The following MED13L variants were observed in gnomAD, a reference collection of about 807,000 sequenced individuals.
The protein encoded by MED13L is mediator complex subunit 13L, also known as mediator of RNA polymerase II transcription subunit 13-like.
MED13L carries 7 observed loss-of-function variants against 220.9 expected under a neutral mutation model. The ratio of observed to expected loss-of-function variants is 0.03; its 90% confidence interval spans 0.02 to 0.06. The LOEUF (loss-of-function observed/expected upper bound fraction) is 0.06. Among genes scored for constraint, MED13L ranks in the 10% least tolerant of loss-of-function variants. MED13L has a pLI of 1.00. For synonymous variants in MED13L, 1,011 were observed against 1,015.2 expected (o/e 1.00, Z 0.08); for missense variants, 1,965 against 2,760.5 (o/e 0.71, Z 6.46).
chr12:116,035,950 T>C (rs1355781183), intron 4 of MED13L, among the ~76,000 whole-genome samples: 1 of 152,200 alleles, frequency 6.6e-6, no homozygotes, highest in African/African-American at 2.4e-5. Context: ...ACTATTTTAA[T>C]TTATATGTCC....
chr12:116,170,965 A>G (rs1879639956), intron 2 of MED13L, among the ~76,000 whole-genome samples: 1 of 152,250 alleles, frequency 6.6e-6, no homozygotes, highest in Admixed American at 6.5e-5. Context: ...TCTGAAGAAT[A>G]CAACTACCAG....
chr12:115,959,213 GCTTTT>G lies in MED13L; in HGVS notation c.*2048_*2052del, dbSNP rs904242265. ...ACAAAAACGTATAAATATGTCACCA[GCTTTT>G]CTTAACTTAAAAAACTTAAATAAAA... On this transcript the variant is annotated 3_prime_UTR_variant, in exon 31 of 31. Coordinates refer to ENST00000281928, the MANE Select transcript of MED13L (RefSeq NM_015335.5). 2.0e-5 allele frequency: 3 copies of G among 152,366 alleles called. No individual in the cohort carries two copies. The highest frequency in any genetic ancestry group is 7.3e-5 in the African/African-American group (3 of 41,364). The allele number at this position is 152,366 out of a possible 1,614,324, so 9.4% of individuals were successfully genotyped here.
rs751651348 is a variant in MED13L at position 116,237,424 on chromosome 12, A to C, written c.310+44T>G. The C allele has an allele frequency of 3.4e-6, 5 of 1,456,612 alleles. No homozygotes were observed. The South Asian group carries it at 5.7e-5, about 17-fold the overall frequency. The allele number at this position is 1,456,612 out of a possible 1,614,324, so 90.2% of individuals were successfully genotyped here. On this transcript the variant is annotated intron_variant, in intron 2 of 30. Transcript: ENST00000281928. Reference sequence around the variant, plus strand: ...GTTTGAAATTTATCAATGTTCAAAAAAATATGATGCAAATAATTTTTAAGA... The same window carrying C: ...GTTTGAAATTTATCAATGTTCAAAACAATATGATGCAAATAATTTTTAAGA...
chr12:116,199,304 G>A (rs1057467564), intron 2 of MED13L, among the ~76,000 whole-genome samples: 1 of 152,242 alleles, frequency 6.6e-6, no homozygotes, highest in Admixed American at 6.5e-5. Context: ...TTGATTTTAA[G>A]AGACTATGTA....
At chr12:116,206,685 T>C (rs1317435477) in intron 2 of MED13L, among the ~76,000 whole-genome samples, 1 of 152,108 alleles carries the variant, frequency 6.6e-6, no homozygotes, top group Non-Finnish European at 1.5e-5. Context: ...CATTAAAAAG[T>C]TACCAAAGCA....
In MED13L at chr12:116,075,711, A is replaced by G. The variant is rs188699381; in HGVS notation, c.479+20958T>C. 5.8e-4 allele frequency among the ~76,000 whole-genome samples: 89 copies of G among 152,314 alleles called. 1 individual carries two copies. Among genetic ancestry groups the G allele is most frequent in the East Asian group, 5.8e-4 (3 of 5,192 alleles). On this transcript the variant is annotated intron_variant, in intron 4 of 30. Coordinates refer to ENST00000281928, the MANE Select transcript of MED13L (RefSeq NM_015335.5). ...CATCTAGACCTGCAAGCTCCAGGAAATAGACTTCCTTTCTGCTGGCTCCTT... is the reference window on the plus strand; with the variant it reads ...CATCTAGACCTGCAAGCTCCAGGAAGTAGACTTCCTTTCTGCTGGCTCCTT...
At chr12:115,996,936 C>T (rs746721916) in intron 15 of MED13L, 74 bp downstream of exon 15, 27 of 1,450,814 alleles carry the variant, frequency 1.9e-5, no homozygotes, top group South Asian at 1.1e-4. Flanking sequence ...CAGACAATAC[C>T]ATTTTAAAGC....
At chr12:115,997,437 C>T (rs972978552) in intron 14 of MED13L, among the ~76,000 whole-genome samples, 5 of 152,050 alleles carry the variant, frequency 3.3e-5, no homozygotes, top group Admixed American at 6.5e-5. Flanking sequence ...TGTTTTGTTT[C>T]GTGAGACAAA....
At chr12:116,147,273 G>A (rs531602194) in intron 2 of MED13L, among the ~76,000 whole-genome samples, 16 of 152,182 alleles carry the variant, frequency 1.1e-4, no homozygotes, top group African/African-American at 3.6e-4. Flanking sequence ...ATTTCAAATA[G>A]TAAAAAAATA....
chr12:116,264,751 A>C (rs1298110111), intron 1 of MED13L, among the ~76,000 whole-genome samples: 1 of 152,156 alleles, frequency 6.6e-6, no homozygotes, highest in African/African-American at 2.4e-5. Context: ...CTCCAAAGTC[A>C]ACAAACACAA....
intron 17 of MED13L, among the ~76,000 whole-genome samples, chr12:115,989,752 C>G (rs958282996): frequency 1.3e-5 from 2 of 152,118 alleles, no homozygotes; most frequent in Admixed American, 6.5e-5. Context: ...CTCTCTTTCC[C>G]TTATCCCCAA....
At chr12:116,166,883 T>A (rs1190597314) in intron 2 of MED13L, among the ~76,000 whole-genome samples, 1 of 152,212 alleles carries the variant, frequency 6.6e-6, no homozygotes, top group Non-Finnish European at 1.5e-5. Flanking sequence ...CATCATTCAA[T>A]AGAAAAATTT....
chr12:116,061,804 G>A (rs747338087), intron 4 of MED13L, among the ~76,000 whole-genome samples: 1 of 151,894 alleles, frequency 6.6e-6, no homozygotes, highest in Non-Finnish European at 1.5e-5. Context: ...TCAGGAGATC[G>A]AGACCATCCT....
At chr12:116,196,911 C>T (rs1881663542) in intron 2 of MED13L, among the ~76,000 whole-genome samples, 1 of 152,076 alleles carries the variant, frequency 6.6e-6, no homozygotes, top group African/African-American at 2.4e-5. Flanking sequence ...AATTTGAAGG[C>T]ATTTATATCT....
chr12:116,104,313 T>C (rs753825475), intron 3 of MED13L, among the ~76,000 whole-genome samples: 79 of 152,002 alleles, frequency 5.2e-4, no homozygotes, highest in Non-Finnish European at 9.3e-4. Flanking sequence ...CCGGCCTCAT[T>C]TGCCCTTTGA....
intron 2 of MED13L, among the ~76,000 whole-genome samples, chr12:116,193,411 A>G (rs1292529677): frequency 6.6e-6 from 1 of 152,228 alleles, no homozygotes; most frequent in Non-Finnish European, 1.5e-5. Flanking sequence ...GCTTTGTCTT[A>G]GGAACAAAAC....
In MED13L at chr12:115,993,472, A is replaced by G. The variant is rs527268508; in HGVS notation, c.2997-1515T>C. Among the ~76,000 whole-genome samples the G allele has an allele frequency of 2.6e-5, 4 of 152,306 alleles. No homozygotes were observed. In the East Asian group the frequency reaches 7.7e-4, roughly 29 times the overall value. On this transcript the variant is annotated intron_variant, in intron 16 of 30. Coordinates refer to ENST00000281928, the MANE Select transcript of MED13L (RefSeq NM_015335.5). ...TTGTGATTTTTAATTAGCTATGCCT[A>G]AACTACCAGCCTAAAAGTCCAAATC...
chr12:116,121,107 A>T (rs955860944), intron 2 of MED13L, among the ~76,000 whole-genome samples: 1 of 152,188 alleles, frequency 6.6e-6, no homozygotes, highest in Non-Finnish European at 1.5e-5. Context: ...CTATAATCAG[A>T]ATGTGTTTAC....
chr12:116,141,980 C>T (rs1277301660), intron 2 of MED13L, among the ~76,000 whole-genome samples: 1 of 152,086 alleles, frequency 6.6e-6, no homozygotes, highest in Non-Finnish European at 1.5e-5. Flanking sequence ...CTTCATCAGA[C>T]CAATTATACT....
Sources: gnomAD v4.1 joint callset for allele counts (sites outside exome capture counted in the v4.1 genomes callset) on GRCh38, gnomAD v4.1.1 for gene constraint, MANE v1.5 for transcripts, NCBI Gene and HGNC (gene_info 2026-07-23, HGNC 2026-07-21) for gene names.